The following ADAMTSL1 variants were observed in gnomAD, a reference collection of about 807,000 sequenced individuals.
The protein encoded by ADAMTSL1 is ADAMTS-like protein 1.
Under a neutral mutation model 201.8 loss-of-function variants are expected in ADAMTSL1, and 126 were observed. The ratio of observed to expected loss-of-function variants is 0.62; its 90% CI spans 0.54 to 0.72. The LOEUF (loss-of-function observed/expected upper bound fraction) is 0.72, where lower values mean the gene tolerates loss of function less well. ADAMTSL1 is among the 30% of genes least tolerant of loss of function. The pLI is 0.00. For synonymous variants in ADAMTSL1, 1,121 were observed against 903.4 expected, an observed-to-expected ratio of 1.24 and a Z score of -4.32; for missense variants, 2,679 against 2,277.8, an observed-to-expected ratio of 1.18 and a Z score of -3.59.
At chr9:18,478,160 A>C (rs896400258) in intron 1 of ADAMTSL1, among the ~76,000 whole-genome samples, 5 of 152,232 alleles carry the variant, frequency 3.3e-5, no homozygotes, top group Admixed American at 3.3e-4. Flanking sequence ...TCCTAAGTTG[A>C]TTCTATCCTA....
intron 2 of ADAMTSL1, among the ~76,000 whole-genome samples, chr9:18,360,363 T>C (rs773766232): frequency 5.9e-5 from 9 of 152,176 alleles, no homozygotes; most frequent in Non-Finnish European, 1.2e-4. Flanking sequence ...GTGCACTGGA[T>C]TGCAGGAAGT....
At chr9:18,896,101 A>G (rs1829620256) in intron 26 of ADAMTSL1, among the ~76,000 whole-genome samples, 1 of 152,238 alleles carries the variant, frequency 6.6e-6, no homozygotes, top group Non-Finnish European at 1.5e-5. Context: ...GACACCCTCA[A>G]GTGAACCAAC....
At chr9:18,646,420 C>T (rs1233052477) in intron 7 of ADAMTSL1, among the ~76,000 whole-genome samples, 1 of 151,912 alleles carries the variant, frequency 6.6e-6, no homozygotes, top group Non-Finnish European at 1.5e-5. Flanking sequence ...GAACTTCCAG[C>T]ACTATGTTGA....
intron 19 of ADAMTSL1, among the ~76,000 whole-genome samples, chr9:18,788,883 G>C (rs1322766886): frequency 6.8e-6 from 1 of 146,140 alleles, no homozygotes; most frequent in East Asian, 2.0e-4. Flanking sequence ...TTTTTTTTTA[G>C]TGTTCTAAAA....
At chr9:18,408,473 C>G (rs921990387) in intron 2 of ADAMTSL1, among the ~76,000 whole-genome samples, 1 of 151,798 alleles carries the variant, frequency 6.6e-6, no homozygotes, top group African/African-American at 2.4e-5. Context: ...ACTCTCCGCA[C>G]CCCCCACCCA....
chr9:18,910,748 G>A lies in ADAMTSL1; in HGVS notation c.*2200G>A, dbSNP rs1008351406. Reference sequence around the variant, plus strand: ...AGTTGGCAGTGGGTCTCAGTGAGCTGGCAGAACCTAGGTTTGGGTGGGAAG... The same window carrying A: ...AGTTGGCAGTGGGTCTCAGTGAGCTAGCAGAACCTAGGTTTGGGTGGGAAG... On this transcript the variant is annotated 3_prime_UTR_variant, in exon 29 of 29. Transcript: ENST00000380548. 2.6e-5 allele frequency: 4 copies of A among 152,182 alleles called. No individual in the cohort carries two copies. The highest frequency in any genetic ancestry group is 9.7e-5 in the African/African-American group (4 of 41,442). 9.4% of individuals were successfully genotyped at this position (152,182 alleles called of 1,614,324 possible).
chr9:18,025,727 G>A (rs1165784090), intron 1 of ADAMTSL1, among the ~76,000 whole-genome samples: 2 of 151,708 alleles, frequency 1.3e-5, no homozygotes, highest in African/African-American at 2.4e-5. Context: ...ATTGGTTTGG[G>A]TTTTGGGTCT....
At chr9:18,295,628 G>T (rs1833448407) in intron 2 of ADAMTSL1, among the ~76,000 whole-genome samples, 1 of 152,172 alleles carries the variant, frequency 6.6e-6, no homozygotes, top group Non-Finnish European at 1.5e-5. Flanking sequence ...ATGAGCCACG[G>T]TGCCCGGCTG....
chr9:18,881,298 A>G (rs1828519978), intron 23 of ADAMTSL1, among the ~76,000 whole-genome samples: 1 of 152,160 alleles, frequency 6.6e-6, no homozygotes, highest in Non-Finnish European at 1.5e-5. Flanking sequence ...TACCTTCCCC[A>G]CTAAGCTTAA....
chr9:18,818,202 C>A (rs141893640), intron 21 of ADAMTSL1, among the ~76,000 whole-genome samples: 2 of 152,180 alleles, frequency 1.3e-5, no homozygotes, highest in East Asian at 1.9e-4. Flanking sequence ...TGCCATTGGG[C>A]AACTAGTCTT....
At chr9:17,956,267 G>A (rs989609623) in intron 1 of ADAMTSL1, among the ~76,000 whole-genome samples, 5 of 151,998 alleles carry the variant, frequency 3.3e-5, no homozygotes, top group Non-Finnish European at 7.4e-5. Flanking sequence ...TCTTAGTCTC[G>A]TGATCAATTA....
chr9:18,471,678 A>C (rs1821219271), upstream of ADAMTSL1, among the ~76,000 whole-genome samples: 1 of 152,210 alleles, frequency 6.6e-6, no homozygotes, highest in South Asian at 2.1e-4. Context: ...GGGTATTCCC[A>C]AGAGGAAAGA....
At chr9:17,945,705 C>T (rs1176437551) in intron 1 of ADAMTSL1, among the ~76,000 whole-genome samples, 2 of 151,658 alleles carry the variant, frequency 1.3e-5, no homozygotes, top group Non-Finnish European at 2.9e-5. Context: ...TCTCAGTAAA[C>T]TATCGCAAGA....
At chr9:18,133,868 A>G (rs1472185820) in intron 1 of ADAMTSL1, among the ~76,000 whole-genome samples, 1 of 152,194 alleles carries the variant, frequency 6.6e-6, no homozygotes, top group Non-Finnish European at 1.5e-5. Context: ...TAGAATTGAA[A>G]ACACAGCCTT....
At chr9:17,923,350 C>G (rs1277883032) in intron 1 of ADAMTSL1, among the ~76,000 whole-genome samples, 2 of 141,226 alleles carry the variant, frequency 1.4e-5, no homozygotes, top group African/African-American at 5.3e-5. Flanking sequence ...TTGAAGAGGT[C>G]CTTCACATCC....
intron 4 of ADAMTSL1, among the ~76,000 whole-genome samples, chr9:18,621,744 A>G (rs910273598): frequency 6.6e-6 from 1 of 152,178 alleles, no homozygotes; most frequent in Non-Finnish European, 1.5e-5. Flanking sequence ...CTTGGAATAC[A>G]TTAATTAACC....
At position 18,561,137 on chromosome 9, in the gene ADAMTSL1, T is replaced by C. The variant is rs1209264466; in HGVS notation, c.238-12893T>C. On this transcript the variant is annotated intron_variant, in intron 3 of 28. Coordinates refer to ENST00000380548, the MANE Select transcript of ADAMTSL1 (RefSeq NM_001040272.6). The stretch of plus-strand genomic sequence containing the variant: ...AATTGTGATATTAGGGTGTCGATTT[T>C]AGATCTTTCCCACTTTCTCCTGTGG... Among the ~76,000 whole-genome samples, 4 of 152,290 alleles carry C rather than the reference T, an allele frequency of 2.6e-5. No individual in the cohort carries two copies. The East Asian group carries it at 7.7e-4, about 29-fold the overall frequency.
intron 1 of ADAMTSL1, among the ~76,000 whole-genome samples, chr9:18,481,892 G>A (rs1316096289): frequency 6.6e-6 from 1 of 152,134 alleles, no homozygotes; most frequent in Non-Finnish European, 1.5e-5. Context: ...CCAATGTCTA[G>A]AGAGTTTTCA....
chr9:18,753,302 G>C lies in ADAMTSL1; in HGVS notation c.2011G>C (p.Glu671Gln), dbSNP rs1176728595. ...TCCTCTCTGATTTCTTCTCAGGTGGGAAATTGGCAAGTGGAGTCCATGTAG... is the reference window on the plus strand; with the variant it reads ...TCCTCTCTGATTTCTTCTCAGGTGGCAAATTGGCAAGTGGAGTCCATGTAG... Reference protein sequence around the residue: ...CNLDPCPARWEIGKWSPCSLT... With the variant: ...CNLDPCPARWQIGKWSPCSLT... Residue 671 changes from glutamate to glutamine, a missense_variant, in exon 16 of 29, where the codon GAA becomes CAA. By Grantham distance (29) the Glu-to-Gln change is conservative (BLOSUM62 2). Coordinates refer to ENST00000380548, the MANE Select transcript of ADAMTSL1 (RefSeq NM_001040272.6). 1 of 1,610,540 alleles carries C rather than the reference G, an allele frequency of 6.2e-7. No homozygotes were observed.
Sources: allele counts gnomAD v4.1 joint callset (sites outside exome capture counted in the v4.1 genomes callset), GRCh38; gene constraint gnomAD v4.1.1; transcripts MANE v1.5; gene names NCBI Gene and HGNC (gene_info 2026-07-23, HGNC 2026-07-21).